The following ITGB3BP variants were observed in gnomAD, a reference collection of about 807,000 sequenced individuals.
ITGB3BP encodes the protein integrin subunit beta 3 binding protein, also known as centromere protein R.
ITGB3BP carries 27 observed loss-of-function variants against 29.1 expected under a neutral mutation model. The observed-to-expected ratio is 0.93, with a 90% CI of 0.68 to 1.28. The LOEUF (loss-of-function observed/expected upper bound fraction) is 1.28. Ranked by LOEUF, ITGB3BP falls within the 50% of genes most tolerant of loss-of-function variation. The probability of loss-of-function intolerance (pLI) is 0.00; values close to 1 mark genes in which losing one functional copy is unlikely to be tolerated. For synonymous variants in ITGB3BP, 61 were observed against 61.4 expected, an observed-to-expected ratio of 0.99 and a Z score of 0.03; for missense variants, 192 against 200.2, an observed-to-expected ratio of 0.96 and a Z score of 0.25.
intron 3 of ITGB3BP, among the ~76,000 whole-genome samples, chr1:63,481,104 T>A (rs1480278121): frequency 6.6e-6 from 1 of 152,184 alleles, no homozygotes. Flanking sequence ...GTAATTCATT[T>A]TCACATTTCA....
chr1:63,518,707 A>T (rs1312631341), intron 1 of ITGB3BP, among the ~76,000 whole-genome samples: 1 of 151,450 alleles, frequency 6.6e-6, no homozygotes, highest in African/African-American at 2.4e-5. Flanking sequence ...TCTTTACTGC[A>T]CTTAAACTTG....
intron 2 of ITGB3BP, among the ~76,000 whole-genome samples, chr1:63,494,982 A>AT (rs1557641370): frequency 6.6e-6 from 1 of 151,952 alleles, no homozygotes; most frequent in African/African-American, 2.4e-5. Flanking sequence ...AACAAACAAA[A>AT]TTTTTTTAGA....
At chr1:63,508,072 G>C (rs1481520875) in intron 2 of ITGB3BP, among the ~76,000 whole-genome samples, 1 of 152,162 alleles carries the variant, frequency 6.6e-6, no homozygotes, top group Non-Finnish European at 1.5e-5. Flanking sequence ...TACGGTGTTA[G>C]TATTATGCTG....
chr1:63,444,543 T>TACATATAGG (rs1243274717), intron 8 of ITGB3BP, among the ~76,000 whole-genome samples: 1 of 147,604 alleles, frequency 6.8e-6, no homozygotes, highest in Non-Finnish European at 1.5e-5. Flanking sequence ...TGTAGGATAT[T>TACATATAGG]ACATATAGGA....
chr1:63,442,515 T>C (rs1328044807), intron 8 of ITGB3BP: 2 of 152,262 alleles, frequency 1.3e-5, no homozygotes, highest in African/African-American at 4.8e-5. Flanking sequence ...CTTGGGGGTC[T>C]ATTTAAAAGA....
intron 1 of ITGB3BP, among the ~76,000 whole-genome samples, chr1:63,517,415 AT>A (rs1261459385): frequency 6.6e-6 from 1 of 151,406 alleles, no homozygotes; most frequent in Non-Finnish European, 1.5e-5. Context: ...TAAATAAAAA[AT>A]AAATAAAAAT....
At chr1:63,489,129 C>T (rs1194442385) in intron 3 of ITGB3BP, among the ~76,000 whole-genome samples, 1 of 151,482 alleles carries the variant, frequency 6.6e-6, no homozygotes, top group Non-Finnish European at 1.5e-5. Flanking sequence ...GAAAGAGAAC[C>T]TAATAGTAAC....
At chr1:63,472,439 C>A (rs1237072496) in intron 4 of ITGB3BP, among the ~76,000 whole-genome samples, 20 of 112,532 alleles carry the variant, frequency 1.8e-4, no homozygotes, top group African/African-American at 5.9e-4. Flanking sequence ...CCACCCTCTC[C>A]CTCTCCCTCT....
intron 2 of ITGB3BP, among the ~76,000 whole-genome samples, chr1:63,493,592 A>T (rs2100695487): frequency 6.6e-6 from 1 of 152,296 alleles, no homozygotes; most frequent in South Asian, 2.1e-4. Flanking sequence ...CTAATCTTGT[A>T]CATTAGCAAA....
chr1:63,494,427 C>T (rs56363368), intron 2 of ITGB3BP, among the ~76,000 whole-genome samples: 1,881 of 152,238 alleles, frequency 0.012, 45 homozygotes, highest in African/African-American at 0.043. Flanking sequence ...CCCCAACTAC[C>T]TTCTTATCAG....
chr1:63,441,407 T>C (rs1193012979), intron 8 of ITGB3BP, among the ~76,000 whole-genome samples: 3 of 151,780 alleles, frequency 2.0e-5, no homozygotes, highest in African/African-American at 7.3e-5. Flanking sequence ...CCAGCTAATT[T>C]TTGTATTTTT....
intron 8 of ITGB3BP, among the ~76,000 whole-genome samples, chr1:63,444,616 C>T (rs894655970): frequency 3.7e-5 from 4 of 108,582 alleles, no homozygotes; most frequent in African/African-American, 1.2e-4. Context: ...ATATATATCT[C>T]CTATTACATA....
chr1:63,486,022 TTC>T (rs2100655722), intron 3 of ITGB3BP, among the ~76,000 whole-genome samples: 1 of 152,222 alleles, frequency 6.6e-6, no homozygotes, highest in South Asian at 2.1e-4. Flanking sequence ...CTATGGACCA[TTC>T]TCTGTATTTC....
At chr1:63,511,275 C>CA (rs945753240) in intron 1 of ITGB3BP, among the ~76,000 whole-genome samples, 39 of 151,584 alleles carry the variant, frequency 2.6e-4, no homozygotes, top group East Asian at 1.4e-3. Context: ...CCAAACAAAA[C>CA]AAAAAAAACA....
chr1:63,483,214 A>C (rs1243246176), intron 3 of ITGB3BP, among the ~76,000 whole-genome samples: 5 of 152,194 alleles, frequency 3.3e-5, no homozygotes, highest in African/African-American at 1.2e-4. Flanking sequence ...TTATTCTTAG[A>C]AATATTAAAC....
intron 2 of ITGB3BP, among the ~76,000 whole-genome samples, chr1:63,492,288 G>T (rs6670613): frequency 0.34 from 51,285 of 150,688 alleles, 8,892 homozygotes; most frequent in East Asian, 0.49. Flanking sequence ...CATTTGTGTT[G>T]GTTAAAAAGA....
chr1:63,446,311 T>C (rs565926083), intron 8 of ITGB3BP, among the ~76,000 whole-genome samples: 2 of 152,350 alleles, frequency 1.3e-5, no homozygotes, highest in Admixed American at 1.3e-4. Flanking sequence ...AAACACATCA[T>C]TTTTACTTGT....
chr1:63,483,810 C>G (rs560032121), intron 3 of ITGB3BP, among the ~76,000 whole-genome samples: 44 of 152,206 alleles, frequency 2.9e-4, no homozygotes, highest in Non-Finnish European at 5.1e-4. Context: ...TACACCAATA[C>G]CATTATGTTT....
chr1:63,471,249 C>T (rs961597116), intron 4 of ITGB3BP, among the ~76,000 whole-genome samples: 1 of 149,964 alleles, frequency 6.7e-6, no homozygotes, highest in Non-Finnish European at 1.5e-5. Context: ...ATCCAAGGTC[C>T]AGTCCTCTAA....
Sources: allele counts gnomAD v4.1 joint callset (sites outside exome capture counted in the v4.1 genomes callset), GRCh38; gene constraint gnomAD v4.1.1; transcripts MANE v1.5; gene names NCBI Gene and HGNC (gene_info 2026-07-23, HGNC 2026-07-21).